KLHL20: variants seen among roughly 807,000 people sequenced by gnomAD.
KLHL20 encodes the protein kelch like family member 20.
Under a neutral mutation model 69.5 loss-of-function variants are expected in KLHL20, and 29 were observed. The ratio of observed to expected loss-of-function variants is 0.42; its 90% CI spans 0.31 to 0.57. KLHL20 has a LOEUF of 0.57. Among genes scored for constraint, KLHL20 ranks in the 20% least tolerant of loss-of-function variants. KLHL20 has a pLI of 0.18. For synonymous variants in KLHL20, 253 were observed against 265.2 expected, an observed-to-expected ratio of 0.95 and a Z score of 0.45; for missense variants, 419 against 776.0, an observed-to-expected ratio of 0.54 and a Z score of 5.47.
At chr1:173,720,301 A>G (rs1222550116) in intron 2 of KLHL20, among the ~76,000 whole-genome samples, 3 of 152,132 alleles carry the variant, frequency 2.0e-5, no homozygotes, top group East Asian at 1.9e-4. Context: ...TTAATTAAGG[A>G]CACCATAAAA....
At chr1:173,773,455 T>TA (rs1280931562) in intron 8 of KLHL20, among the ~76,000 whole-genome samples, 1 of 150,258 alleles carries the variant, frequency 6.7e-6, no homozygotes, top group Non-Finnish European at 1.5e-5. Flanking sequence ...AAATATTAAT[T>TA]AAAATTTTTT....
chr1:173,773,477 TTAAG>T (rs763822554), intron 8 of KLHL20, among the ~76,000 whole-genome samples: 87 of 151,100 alleles, frequency 5.8e-4, no homozygotes, highest in Admixed American at 1.3e-3. Context: ...AAATGTAATG[TTAAG>T]TAAGATTGAA....
At chr1:173,782,074 C>T in intron 10 of KLHL20, 50 bp from the exon 11 acceptor site, 1 of 1,275,186 alleles carries the variant, frequency 7.8e-7, no homozygotes, top group Non-Finnish European at 1.1e-6. Flanking sequence ...CTATAATTTC[C>T]TTACGATTGT....
intron 10 of KLHL20, among the ~76,000 whole-genome samples, chr1:173,779,597 C>T (rs1648719937): frequency 6.6e-6 from 1 of 152,026 alleles, no homozygotes; most frequent in Admixed American, 6.6e-5. Context: ...GTGATCCACC[C>T]CCCTCAGCCT....
Position 173,755,303 on chromosome 1 carries a change from G to A in KLHL20, c.852-620G>A, listed in dbSNP as rs6671810. Among the ~76,000 whole-genome samples, 1,418 of 151,978 alleles carry A rather than the reference G, an allele frequency of 9.3e-3. 21 individuals carry two copies. Among genetic ancestry groups the A allele is most frequent in the African/African-American group, 0.031 (1,286 of 41,478 alleles). The stretch of plus-strand genomic sequence containing the variant: ...CAATCTCTTGACCTCATGATCCACC[G>A]CCCCTCAGCCTCCCAAAGTGCTGGG... On this transcript the variant is annotated intron_variant, in intron 5 of 11. Transcript: ENST00000209884.
At chr1:173,775,020 A>G (rs1648366357) in intron 9 of KLHL20, among the ~76,000 whole-genome samples, 1 of 152,134 alleles carries the variant, frequency 6.6e-6, no homozygotes, top group Admixed American at 6.5e-5. Context: ...TGTGTTGCCC[A>G]GGTTGGTCTC....
chr1:173,775,743 A>T lies in KLHL20; in HGVS notation c.1539A>T (p.Gly513=). The T allele has an allele frequency of 1.9e-6, 3 of 1,614,134 alleles. No individual in the cohort carries two copies. Among genetic ancestry groups the T allele is most frequent in the Non-Finnish European group, 2.5e-6 (3 of 1,179,980 alleles). The change falls in exon 10 of 12, where the codon GGA becomes GGT. Residue 513 remains glycine (G), a synonymous_variant. Coordinates refer to ENST00000209884, the MANE Select transcript of KLHL20 (RefSeq NM_014458.4). ...AVYQDMIYAV[G]GRDDTTELSS... ...ATCAGGACATGATCTATGCTGTAGG[A>T]GGTAGAGATGACACTACAGAGCTGA... is the stretch of plus-strand genomic sequence containing the variant.
intron 2 of KLHL20, among the ~76,000 whole-genome samples, chr1:173,720,950 G>C (rs1480700496): frequency 1.3e-5 from 2 of 152,042 alleles, no homozygotes; most frequent in Non-Finnish European, 2.9e-5. Flanking sequence ...GGGCAGAAGA[G>C]AGATTTGGGC....
intron 3 of KLHL20, among the ~76,000 whole-genome samples, chr1:173,737,636 G>C (rs1672598800): frequency 6.6e-6 from 1 of 152,174 alleles, no homozygotes; most frequent in African/African-American, 2.4e-5. Flanking sequence ...TTGTAAAATA[G>C]TTTGAAATTA....
intron 11 of KLHL20, among the ~76,000 whole-genome samples, chr1:173,784,077 TCAAAA>T (rs1374559568): frequency 1.3e-5 from 2 of 152,010 alleles, no homozygotes; most frequent in South Asian, 2.1e-4. Flanking sequence ...AGACTCCGTC[TCAAAA>T]CAAAACAAAA....
At chr1:173,772,843 T>C (rs919357457) in intron 8 of KLHL20, among the ~76,000 whole-genome samples, 1 of 152,210 alleles carries the variant, frequency 6.6e-6, no homozygotes, top group African/African-American at 2.4e-5. Flanking sequence ...CAGATTGGAC[T>C]GCACTATGAA....
intron 2 of KLHL20, among the ~76,000 whole-genome samples, chr1:173,722,965 C>T (rs1189459388): frequency 6.6e-6 from 1 of 152,136 alleles, no homozygotes; most frequent in African/African-American, 2.4e-5. Context: ...GCTGGGATTA[C>T]AGGTGTGAGC....
chr1:173,766,884 C>T (rs1647757742), intron 8 of KLHL20, among the ~76,000 whole-genome samples: 1 of 152,066 alleles, frequency 6.6e-6, no homozygotes, highest in African/African-American at 2.4e-5. Flanking sequence ...AGCTAACTAA[C>T]ATATTATCTC....
At position 173,785,408 on chromosome 1, in the gene KLHL20, C is replaced by T. The variant is rs1649147577; in HGVS notation, c.*161C>T. 3 of 400,284 alleles carry T rather than the reference C, an allele frequency of 7.5e-6. No individual in the cohort carries two copies. The highest frequency in any genetic ancestry group is 9.2e-5 in the Admixed American group (2 of 21,806). The allele number at this position is 400,284 out of a possible 1,614,324, so 24.8% of individuals were successfully genotyped here. On this transcript the variant is annotated 3_prime_UTR_variant, in exon 12 of 12. Coordinates refer to ENST00000209884, the MANE Select transcript of KLHL20 (RefSeq NM_014458.4). ...ATGAAAGTACTTCACCTGCAAGATG[C>T]ACAATAATTTTCAACTCTGTGCAGA...
chr1:173,747,024 A>G (rs1673093204), intron 3 of KLHL20, among the ~76,000 whole-genome samples: 1 of 151,174 alleles, frequency 6.6e-6, no homozygotes, highest in African/African-American at 2.4e-5. Context: ...GTGTTTTTTA[A>G]TTTCATTTTT....
intron 7 of KLHL20, among the ~76,000 whole-genome samples, 190 bp downstream of exon 7, chr1:173,757,349 A>G (rs544633727): frequency 4.6e-5 from 7 of 152,294 alleles, no homozygotes. Context: ...TCTGTCTCCC[A>G]TGACACACTA....
intron 8 of KLHL20, among the ~76,000 whole-genome samples, chr1:173,771,818 A>G (rs1287795565): frequency 6.6e-6 from 1 of 152,196 alleles, no homozygotes; most frequent in Non-Finnish European, 1.5e-5. Context: ...TATGTACTCA[A>G]TCCATGTAAA....
chr1:173,782,033 C>T (rs980339094), intron 10 of KLHL20, 91 bp from the exon 11 acceptor site: 26 of 866,412 alleles, frequency 3.0e-5, no homozygotes, highest in Middle Eastern at 2.3e-4. Context: ...AAAGAATTAT[C>T]TTTTGTAAAT....
chr1:173,778,355 G>A (rs1181073822), intron 10 of KLHL20, among the ~76,000 whole-genome samples: 1 of 151,900 alleles, frequency 6.6e-6, no homozygotes, highest in African/African-American at 2.4e-5. Context: ...TTGAGACAGG[G>A]TCTGGCTCTG....
Sources: gnomAD v4.1 joint callset for allele counts (sites outside exome capture counted in the v4.1 genomes callset) on GRCh38, gnomAD v4.1.1 for gene constraint, MANE v1.5 for transcripts, NCBI Gene and HGNC (gene_info 2026-07-23, HGNC 2026-07-21) for gene names.